SBK3: variants seen among roughly 807,000 people sequenced by gnomAD.
SBK3 encodes SH3 domain binding kinase family member 3.
Under a neutral mutation model 12.7 loss-of-function variants are expected in SBK3, and 16 were observed. The observed-to-expected ratio is 1.26, with a 90% CI of 0.86 to 1.92. The LOEUF is 1.92. SBK3 is among the 40% of genes most tolerant of loss of function. The pLI, the probability that SBK3 is intolerant of heterozygous loss-of-function variation, is 0.00. For synonymous variants in SBK3, 217 were observed against 213.6 expected (o/e 1.02, Z -0.14); for missense variants, 462 against 481.8 (o/e 0.96, Z 0.38).
Position 55,541,245 on chromosome 19 carries a change from G to A in SBK3, c.681C>T (p.Gly227=), listed in dbSNP as rs773302861. 2.0e-5 allele frequency: 30 copies of A among 1,536,060 alleles called. No individual in the cohort carries two copies. The highest frequency in any genetic ancestry group is 2.6e-5 in the Non-Finnish European group (30 of 1,146,884). The change falls in exon 4 of 4, where the codon GGC becomes GGT. Residue 227 remains glycine (G), a synonymous_variant. Transcript: ENST00000612221. This position sits in a 1 kb window ranked among gnomAD's most constrained non-coding sequence, Gnocchi z 5.3. ...LPLRPAVDSW[G]LGVLLFCAAT... is the part of the protein sequence containing the mutation. ...CAGCACAGAAGAGAAGCACCCCCAG[G>A]CCCCAGGAGTCCACGGCTGGCCGCA...
intron 2 of SBK3, 23 bp from the exon 3 acceptor site, chr19:55,544,325 G>A (rs1475211445): frequency 6.6e-7 from 1 of 1,526,480 alleles, no homozygotes; most frequent in Non-Finnish European, 8.8e-7. Flanking sequence ...TGGGTCGGAG[G>A]GACACTCAGG....
At chr19:55,543,204 T>C (rs1440709619) in intron 3 of SBK3, among the ~76,000 whole-genome samples, 2 of 47,520 alleles carry the variant, frequency 4.2e-5, no homozygotes, top group South Asian at 9.4e-4. Flanking sequence ...CATCCATCCA[T>C]CCACCATCCA....
rs532325225 is a variant in SBK3 at position 55,544,833 on chromosome 19, G to A, written c.162C>T (p.Tyr54=). ...HLIRKLGSGS[Y]GRVLLAQPHQ... The stretch of plus-strand genomic sequence containing the variant: ...GAGGCTGGGCAAGGAGCACGCGGCC[G>A]TAGGAGCCGGAGCCCAGCTTCCGGA... Residue 54 remains tyrosine, a synonymous_variant, in exon 2 of 4, where the codon TAC becomes TAT. Coordinates refer to ENST00000612221, the MANE Select transcript of SBK3 (RefSeq NM_001199824.2). The A allele has an allele frequency of 1.0e-4, 157 of 1,529,762 alleles. No individual in the cohort carries two copies. The highest frequency in any genetic ancestry group is 3.0e-4 in the Admixed American group (15 of 50,512). The allele number at this position is 1,529,762 out of a possible 1,614,324, so 94.8% of individuals were successfully genotyped here.
In SBK3 at chr19:55,545,445, C is replaced by T. The variant is rs1988654015; in HGVS notation, c.45+54G>A. The T allele has an allele frequency of 7.2e-7, 1 of 1,392,156 alleles. No homozygotes were observed. Among genetic ancestry groups the T allele is most frequent in the Non-Finnish European group, 9.8e-7 (1 of 1,020,476 alleles). The allele number at this position is 1,392,156 out of a possible 1,614,324, so 86.2% of individuals were successfully genotyped here. On this transcript the variant is annotated intron_variant, in intron 1 of 3. Coordinates refer to ENST00000612221, the MANE Select transcript of SBK3 (RefSeq NM_001199824.2). The surrounding 1 kb of genome is among the most constrained non-coding windows in gnomAD (Gnocchi z 4.4). Reference sequence around the variant, plus strand: ...TCTCTCTCCCCGTGTTGCCTCCTGCCTCTCTCTCCTTCTTTTCTCTCTCTG... The same window carrying T: ...TCTCTCTCCCCGTGTTGCCTCCTGCTTCTCTCTCCTTCTTTTCTCTCTCTG...
chr19:55,545,426 T>C lies in SBK3; in HGVS notation c.45+73A>G, dbSNP rs1599951300. On this transcript the variant is annotated intron_variant, in intron 1 of 3. Coordinates refer to ENST00000612221, the MANE Select transcript of SBK3 (RefSeq NM_001199824.2). This position sits in a 1 kb window ranked among gnomAD's most constrained non-coding sequence, Gnocchi z 4.4. Reference sequence around the variant, plus strand: ...TGTTTTCTGTTTCTCTTCCTCTCTCTCCCCGTGTTGCCTCCTGCCTCTCTC... The same window carrying C: ...TGTTTTCTGTTTCTCTTCCTCTCTCCCCCCGTGTTGCCTCCTGCCTCTCTC... 1.6e-6 allele frequency: 2 copies of C among 1,225,452 alleles called. No individual in the cohort carries two copies. Among genetic ancestry groups the C allele is most frequent in the Non-Finnish European group, 2.3e-6 (2 of 870,060 alleles). 75.9% of individuals were successfully genotyped at this position (1,225,452 alleles called of 1,614,324 possible).
At position 55,544,305 on chromosome 19, in the gene SBK3, G is replaced by C. The variant is rs1391111007; in HGVS notation, c.197-3C>G. ...GAGCTTCAGAGCCACAGCTGGACCT[G>C]CCAGGGAGATGGGTCGGAGGGACAC... On this transcript the variant is annotated splice_polypyrimidine_tract_variant and splice_region_variant and intron_variant, in intron 2 of 3. Transcript: ENST00000612221. The C allele has an allele frequency of 6.5e-7, 1 of 1,535,272 alleles. No individual in the cohort carries two copies. Among genetic ancestry groups the C allele is most frequent in the Admixed American group, 2.0e-5 (1 of 50,932 alleles).
In SBK3 at chr19:55,544,868, A is replaced by T; in HGVS notation, c.127T>A (p.Tyr43Asn). 1.3e-6 allele frequency: 2 copies of T among 1,534,228 alleles called. No homozygotes were observed. The highest frequency in any genetic ancestry group is 1.7e-6 in the Non-Finnish European group (2 of 1,146,370). ...VTPVRSLRDQYHLIRKLGSGS... is the reference protein window; with the variant it reads ...VTPVRSLRDQNHLIRKLGSGS... ...GAGCCCAGCTTCCGGATGAGGTGGTACTGGTCCCGAAGGCTCCTCACCGGG... is the reference window on the plus strand; with the variant it reads ...GAGCCCAGCTTCCGGATGAGGTGGTTCTGGTCCCGAAGGCTCCTCACCGGG... Residue 43 changes from tyrosine (Y) to asparagine (N), a missense_variant, in exon 2 of 4, where the codon TAC (tyrosine) becomes AAC (asparagine). Transcript: ENST00000612221.
Position 55,544,807 on chromosome 19 carries a change from T to C in SBK3, c.188A>G (p.His63Arg). 6.6e-7 allele frequency: 1 copy of C among 1,510,578 alleles called. No homozygotes were observed. Among genetic ancestry groups the C allele is most frequent in the Non-Finnish European group, 8.8e-7 (1 of 1,134,684 alleles). 93.6% of individuals were successfully genotyped at this position (1,510,578 alleles called of 1,614,324 possible). A position where few individuals can be genotyped will look rare whatever the true frequency, so the allele number is the denominator to read the frequency against. Residue 63 changes from histidine (H) to arginine (R), a missense_variant, in exon 2 of 4, where the codon CAC (histidine) becomes CGC (arginine). Physicochemically the swap from His to Arg is conservative, Grantham distance 29. Coordinates refer to ENST00000612221, the MANE Select transcript of SBK3 (RefSeq NM_001199824.2). ...TGGGTGGCTGAACTCACCCCCCTGG[T>C]GAGGCTGGGCAAGGAGCACGCGGCC... ...SYGRVLLAQPHQGGPAVALKL... is the reference protein window; with the variant it reads ...SYGRVLLAQPRQGGPAVALKL...
chr19:55,545,188 G>A lies in SBK3; in HGVS notation c.46-239C>T. 1 of 581,726 alleles carries A rather than the reference G, an allele frequency of 1.7e-6. No homozygotes were observed. Among genetic ancestry groups the A allele is most frequent in the Non-Finnish European group, 3.0e-6 (1 of 329,236 alleles). 36.0% of individuals were successfully genotyped at this position (581,726 alleles called of 1,614,324 possible). On this transcript the variant is annotated intron_variant, in intron 1 of 3. Coordinates refer to ENST00000612221, the MANE Select transcript of SBK3 (RefSeq NM_001199824.2). The surrounding 1 kb of genome is among the most constrained non-coding windows in gnomAD (Gnocchi z 4.4). ...CGCCTGCCCCTGTCTGTGGGAGCAG[G>A]CCAGGAGCCCCCAGCCCCGAGTGGG...
chr19:55,545,020 C>T lies in SBK3; in HGVS notation c.46-71G>A, dbSNP rs535231450. 2.1e-4 allele frequency: 256 copies of T among 1,201,724 alleles called. 1 individual carries two copies. Among genetic ancestry groups the T allele is most frequent in the Non-Finnish European group, 2.5e-4 (216 of 872,576 alleles). 74.4% of individuals were successfully genotyped at this position (1,201,724 alleles called of 1,614,324 possible). A position where few individuals can be genotyped will look rare whatever the true frequency, so the allele number is the denominator to read the frequency against. ...CTGAGAGTGGTGGGGGAGGAGGTCA[C>T]GGCGCAGCCCCAGGATGGAGGGTGG... On this transcript the variant is annotated intron_variant, in intron 1 of 3. Coordinates refer to ENST00000612221, the MANE Select transcript of SBK3 (RefSeq NM_001199824.2). The surrounding 1 kb of genome is among the most constrained non-coding windows in gnomAD (Gnocchi z 4.4).
chr19:55,543,983 G>A (rs1988615835), intron 3 of SBK3, 117 bp downstream of exon 3: 1 of 811,750 alleles, frequency 1.2e-6, no homozygotes, highest in African/African-American at 1.7e-5. Flanking sequence ...GGGGGCTCAG[G>A]GTGGAGATGG....
chr19:55,540,919 A>G lies in SBK3; in HGVS notation c.1007T>C (p.Leu336Pro). 1 of 1,536,064 alleles carries G rather than the reference A, an allele frequency of 6.5e-7. No homozygotes were observed. The highest frequency in any genetic ancestry group is 8.7e-7 in the Non-Finnish European group (1 of 1,146,870). The stretch of plus-strand genomic sequence containing the variant: ...ATCACCCTCATCTGTCCACTCCTCC[A>G]GGCTTGAGCCTCCCTCCTCCCTGTC... ...YEDREEGGSS[L>P]EEWTDEGDDS... is the part of the protein sequence containing the mutation. The change falls in exon 4 of 4, where the codon CTG becomes CCG. Residue 336 changes from leucine (L) to proline (P), a missense_variant. By Grantham distance (98) the Leu-to-Pro change is moderately conservative (BLOSUM62 -3). Transcript: ENST00000612221.
rs56163047 is a variant in SBK3 at position 55,545,202 on chromosome 19, G to A, written c.46-253C>T. 99,935 of 578,654 alleles carry A rather than the reference G, an allele frequency of 0.17. 9,358 individuals carry two copies. The highest frequency in any genetic ancestry group is 0.3 in the East Asian group (10,216 of 33,844). 35.8% of individuals were successfully genotyped at this position (578,654 alleles called of 1,614,324 possible). A position where few individuals can be genotyped will look rare whatever the true frequency, so the allele number is the denominator to read the frequency against. On this transcript the variant is annotated intron_variant, in intron 1 of 3. Transcript: ENST00000612221. The surrounding 1 kb of genome is among the most constrained non-coding windows in gnomAD (Gnocchi z 4.4). Reference sequence around the variant, plus strand: ...TGTGGGAGCAGGCCAGGAGCCCCCAGCCCCGAGTGGGGGTGCATCCTCAGC... The same window carrying A: ...TGTGGGAGCAGGCCAGGAGCCCCCAACCCCGAGTGGGGGTGCATCCTCAGC...
chr19:55,540,867 C>G lies in SBK3; in HGVS notation c.1059G>C (p.Gly353=), dbSNP rs1162283218. 1 of 1,535,998 alleles carries G rather than the reference C, an allele frequency of 6.5e-7. No individual in the cohort carries two copies. The highest frequency in any genetic ancestry group is 1.4e-5 in the African/African-American group (1 of 73,032). Residue 353 remains glycine, a synonymous_variant, in exon 4 of 4, where the codon GGG becomes GGC. Transcript: ENST00000612221. Reference sequence around the variant, plus strand: ...CTGGTCAGGGAGCTCCCCCATCTGTCCCCGTCCTCCCACCACTTTTGCTGT... The same window carrying G: ...CTGGTCAGGGAGCTCCCCCATCTGTGCCCGTCCTCCCACCACTTTTGCTGT... ...GDDSKSGGRT[G]TDGGAP
In SBK3 at chr19:55,540,808, T is replaced by C; in HGVS notation, c.*38A>G. On this transcript the variant is annotated 3_prime_UTR_variant, in exon 4 of 4. Transcript: ENST00000612221. Reference sequence around the variant, plus strand: ...GGCCCTGGGGGCTGGGGGAAGGGCCTCTGGCCCAGGCTCTGGCCACCTGTC... The same window carrying C: ...GGCCCTGGGGGCTGGGGGAAGGGCCCCTGGCCCAGGCTCTGGCCACCTGTC... 1 of 1,520,528 alleles carries C rather than the reference T, an allele frequency of 6.6e-7. No homozygotes were observed. 94.2% of individuals were successfully genotyped at this position (1,520,528 alleles called of 1,614,324 possible).
Position 55,544,204 on chromosome 19 carries a change from C to T in SBK3, c.295G>A (p.Gly99Ser). ...GGTCCTGCCAGGGTCTGCAGCAGGC[C>T]TGGGTGTGCAGAGACGCAGCGGCCC... ...CVGRCVSAHP[G>S]LLQTLAGPLQ... Residue 99 changes from glycine (G) to serine (S), a missense_variant, in exon 3 of 4, where the codon GGC becomes AGC. Transcript: ENST00000612221. 1 of 1,536,008 alleles carries T rather than the reference C, an allele frequency of 6.5e-7. No individual in the cohort carries two copies. Among genetic ancestry groups the T allele is most frequent in the Admixed American group, 2.0e-5 (1 of 50,976 alleles).
In SBK3 at chr19:55,545,258, T is replaced by A. The variant is rs547930237; in HGVS notation, c.45+241A>T. 7 of 585,970 alleles carry A rather than the reference T, an allele frequency of 1.2e-5. No individual in the cohort carries two copies. The highest frequency in any genetic ancestry group is 2.9e-5 in the East Asian group (1 of 34,706). 36.3% of individuals were successfully genotyped at this position (585,970 alleles called of 1,614,324 possible). On this transcript the variant is annotated intron_variant, in intron 1 of 3. Transcript: ENST00000612221. The surrounding 1 kb of genome is among the most constrained non-coding windows in gnomAD (Gnocchi z 4.4). ...CAGTCCCCCTGCCCACCCTGGTCTCTCTCTCCACCGTCCTCTTCCCCTGTG... is the reference window on the plus strand; with the variant it reads ...CAGTCCCCCTGCCCACCCTGGTCTCACTCTCCACCGTCCTCTTCCCCTGTG...
Position 55,545,013 on chromosome 19 carries a change from G to C in SBK3, c.46-64C>G. The C allele has an allele frequency of 7.7e-7, 1 of 1,307,116 alleles. No individual in the cohort carries two copies. The highest frequency in any genetic ancestry group is 1.0e-6 in the Non-Finnish European group (1 of 962,970). 81.0% of individuals were successfully genotyped at this position (1,307,116 alleles called of 1,614,324 possible). A position where few individuals can be genotyped will look rare whatever the true frequency, so the allele number is the denominator to read the frequency against. Reference sequence around the variant, plus strand: ...GGGTCCACTGAGAGTGGTGGGGGAGGAGGTCACGGCGCAGCCCCAGGATGG... The same window carrying C: ...GGGTCCACTGAGAGTGGTGGGGGAGCAGGTCACGGCGCAGCCCCAGGATGG... On this transcript the variant is annotated intron_variant, in intron 1 of 3. Coordinates refer to ENST00000612221, the MANE Select transcript of SBK3 (RefSeq NM_001199824.2). The surrounding 1 kb of genome is among the most constrained non-coding windows in gnomAD (Gnocchi z 4.4).
At position 55,545,185 on chromosome 19, in the gene SBK3, C is replaced by T. The variant is rs1988648335; in HGVS notation, c.46-236G>A. On this transcript the variant is annotated intron_variant, in intron 1 of 3. Coordinates refer to ENST00000612221, the MANE Select transcript of SBK3 (RefSeq NM_001199824.2). This position sits in a 1 kb window ranked among gnomAD's most constrained non-coding sequence, Gnocchi z 4.4. The stretch of plus-strand genomic sequence containing the variant: ...CCCCGCCTGCCCCTGTCTGTGGGAG[C>T]AGGCCAGGAGCCCCCAGCCCCGAGT... 4 of 578,922 alleles carry T rather than the reference C, an allele frequency of 6.9e-6. No homozygotes were observed. Among genetic ancestry groups the T allele is most frequent in the Non-Finnish European group, 9.2e-6 (3 of 327,668 alleles). The allele number at this position is 578,922 out of a possible 1,614,324, so 35.9% of individuals were successfully genotyped here. A position where few individuals can be genotyped will look rare whatever the true frequency, so the allele number is the denominator to read the frequency against.
Sources: allele counts gnomAD v4.1 joint callset (sites outside exome capture counted in the v4.1 genomes callset), GRCh38; gene constraint gnomAD v4.1.1; non-coding constraint Gnocchi (gnomAD v3.1); transcripts MANE v1.5; gene names NCBI Gene and HGNC (gene_info 2026-07-23, HGNC 2026-07-21).